EYS: variants seen among roughly 807,000 people sequenced by gnomAD.
The protein encoded by EYS is protein eyes shut homolog.
EYS carries 250 observed loss-of-function variants against 282.1 expected under a neutral mutation model. The observed-to-expected ratio is 0.89, with a 90% CI of 0.80 to 0.98. The LOEUF is 0.98. Ranked by LOEUF, EYS falls within the 50% of genes least tolerant of loss-of-function variation. The probability of loss-of-function intolerance (pLI) is 0.00; values close to 1 mark genes in which losing one functional copy is unlikely to be tolerated. For missense variants in EYS, 4,016 were observed against 3,709.0 expected, an observed-to-expected ratio of 1.08 and a Z score of -2.15; for synonymous variants, 1,355 against 1,282.9, an observed-to-expected ratio of 1.06 and a Z score of -1.20.
At chr6:65,571,984 A>G (rs12190494) in intron 2 of EYS, among the ~76,000 whole-genome samples, 26,370 of 151,998 alleles carry the variant, frequency 0.17, 2,855 homozygotes, top group Middle Eastern at 0.34. Flanking sequence ...GCCCAAAGTT[A>G]CAAACATTAA....
At chr6:63,931,272 C>G in intron 35 of EYS, among the ~76,000 whole-genome samples, 1 of 152,084 alleles carries the variant, frequency 6.6e-6, no homozygotes, top group Non-Finnish European at 1.5e-5. Flanking sequence ...AGAGCAGACT[C>G]TTAGGATGTC....
chr6:64,131,977 A>G (rs1290240869), intron 31 of EYS, among the ~76,000 whole-genome samples: 3 of 152,150 alleles, frequency 2.0e-5, no homozygotes, highest in Admixed American at 2.0e-4. Context: ...TTTCTTTACA[A>G]TTTACCAAAC....
chr6:65,113,528 A>G (rs1775280784), intron 12 of EYS, among the ~76,000 whole-genome samples: 1 of 152,046 alleles, frequency 6.6e-6, no homozygotes. Context: ...ATTATAAGCC[A>G]TGGTGCTTCA....
intron 12 of EYS, among the ~76,000 whole-genome samples, chr6:65,209,426 T>TC (rs1766117949): frequency 6.6e-6 from 1 of 151,788 alleles, no homozygotes; most frequent in South Asian, 2.1e-4. Flanking sequence ...ACCATTTTTA[T>TC]CCCCCACTTA....
rs201928163 is a variant in EYS, at chr6:64,044,817, T to G, written c.6725+21521A>C. ...CTGTTTTGTTGATTTAGCTTCCAGA[T>G]GAGCACAAAAATAAAAGGCAGAAGT... On this transcript the variant is annotated intron_variant, in intron 33 of 42. Coordinates refer to ENST00000503581, the MANE Select transcript of EYS (RefSeq NM_001142800.2). Among the ~76,000 whole-genome samples, 21 of 152,110 alleles carry G rather than the reference T, an allele frequency of 1.4e-4. No homozygotes were observed. In the East Asian group the frequency reaches 2.7e-3, roughly 20 times the overall value.
chr6:64,557,061 CT>C (rs2149809259), intron 26 of EYS, among the ~76,000 whole-genome samples: 1 of 151,776 alleles, frequency 6.6e-6, no homozygotes, highest in Non-Finnish European at 1.5e-5. Flanking sequence ...ATAACAATAC[CT>C]TTTTAAGTAC....
rs970771671 is a variant in EYS, at chr6:64,590,587, T to C, written c.5280A>G (p.Thr1760=). 8.4e-6 allele frequency: 13 copies of C among 1,551,370 alleles called. No individual in the cohort carries two copies. The highest frequency in any genetic ancestry group is 1.1e-5 in the Non-Finnish European group (13 of 1,146,764). ...LQIYPDVTLK[T]YSEITHANDF... is the part of the protein sequence containing the mutation. The stretch of plus-strand genomic sequence containing the variant: ...CATTTGCATGTGTAATTTCTGAATA[T>C]GTCTTTAAAGTAACATCCGGATAAA... Residue 1760 remains threonine (T), a synonymous_variant, in exon 26 of 43, where the codon ACA becomes ACG. Coordinates refer to ENST00000503581, the MANE Select transcript of EYS (RefSeq NM_001142800.2).
At chr6:65,409,430 T>C (rs1766887681) in intron 5 of EYS, among the ~76,000 whole-genome samples, 1 of 152,188 alleles carries the variant, frequency 6.6e-6, no homozygotes, top group Non-Finnish European at 1.5e-5. Flanking sequence ...CATTAAAACG[T>C]AACTGCAGTA....
chr6:63,953,030 C>T (rs993110684), intron 35 of EYS, among the ~76,000 whole-genome samples: 2 of 152,194 alleles, frequency 1.3e-5, no homozygotes, highest in African/African-American at 4.8e-5. Flanking sequence ...GCCTTATCAA[C>T]CAAATTGTTT....
At chr6:65,287,585 G>T (rs942380927) in intron 12 of EYS, among the ~76,000 whole-genome samples, 3 of 151,098 alleles carry the variant, frequency 2.0e-5, no homozygotes, top group South Asian at 2.1e-4. Flanking sequence ...TATAGCTTTT[G>T]CATTTTAATG....
At chr6:64,586,166 CT>C (rs1292013306) in intron 26 of EYS, among the ~76,000 whole-genome samples, 1 of 152,000 alleles carries the variant, frequency 6.6e-6, no homozygotes, top group Non-Finnish European at 1.5e-5. Context: ...TAATTAGTGT[CT>C]GATAACAGTG....
rs540758278 is a variant in EYS at position 64,042,882 on chromosome 6, A to G, written c.6725+23456T>C. Among the ~76,000 whole-genome samples, 4 of 152,162 alleles carry G rather than the reference A, an allele frequency of 2.6e-5. No individual in the cohort carries two copies. The South Asian group carries it at 8.3e-4, about 32-fold the overall frequency. ...TAAGGACTTCCACTCCACTTTCCTC[A>G]TGTCATAAACTTTTCTAAAACTGCT... On this transcript the variant is annotated intron_variant, in intron 33 of 42. Transcript: ENST00000503581.
chr6:64,365,562 C>T lies in EYS; in HGVS notation c.6078+23128G>A, dbSNP rs994691281. ...ACCAGCAGTCTTTGACATCTCTGCACTGAGAGTGTGCCACTCCAAATAAAG... is the reference window on the plus strand; with the variant it reads ...ACCAGCAGTCTTTGACATCTCTGCATTGAGAGTGTGCCACTCCAAATAAAG... On this transcript the variant is annotated intron_variant, in intron 29 of 42. Coordinates refer to ENST00000503581, the MANE Select transcript of EYS (RefSeq NM_001142800.2). Among the ~76,000 whole-genome samples the T allele has an allele frequency of 3.3e-5, 5 of 152,000 alleles. No individual in the cohort carries two copies. The East Asian group carries it at 7.8e-4, about 24-fold the overall frequency.
intron 31 of EYS, among the ~76,000 whole-genome samples, chr6:64,129,859 C>G (rs565948093): frequency 6.6e-6 from 1 of 152,204 alleles, no homozygotes; most frequent in East Asian, 1.9e-4. Context: ...GGCTAGCCAG[C>G]TTTCCCAGCA....
intron 11 of EYS, among the ~76,000 whole-genome samples, chr6:65,325,297 A>G (rs1302426875): frequency 6.6e-6 from 1 of 152,124 alleles, no homozygotes; most frequent in Non-Finnish European, 1.5e-5. Context: ...GTGAGGATAG[A>G]GACAGCAAAT....
chr6:64,029,468 C>A (rs1769709366), intron 33 of EYS, among the ~76,000 whole-genome samples: 1 of 152,184 alleles, frequency 6.6e-6, no homozygotes, highest in African/African-American at 2.4e-5. Flanking sequence ...CGGACAACCG[C>A]CTACTTAGAT....
In EYS at chr6:64,521,180, T is replaced by C. The variant is rs114090832; in HGVS notation, c.5644+69043A>G. Among the ~76,000 whole-genome samples the C allele has an allele frequency of 8.0e-3, 1,216 of 151,936 alleles. 12 individuals carry two copies. The highest frequency in any genetic ancestry group is 0.028 in the African/African-American group (1,162 of 41,502). ...CTAAGTTGCTATGGTTGGCCTAGAC[T>C]TTGTTACTTGTTACAAGAATACACT... On this transcript the variant is annotated intron_variant, in intron 26 of 42. Transcript: ENST00000503581.
At chr6:64,853,342 A>G (rs999498086) in intron 19 of EYS, among the ~76,000 whole-genome samples, 25 of 152,116 alleles carry the variant, frequency 1.6e-4, no homozygotes, top group Admixed American at 1.4e-3. Flanking sequence ...AGTATGTTAA[A>G]CAAAAGGGAA....
chr6:63,967,832 A>C (rs1000402995), intron 35 of EYS, among the ~76,000 whole-genome samples: 7 of 152,200 alleles, frequency 4.6e-5, no homozygotes, highest in Non-Finnish European at 7.4e-5. Flanking sequence ...GCATTCCCAT[A>C]CATGCAGTTC....
Sources: allele counts gnomAD v4.1 joint callset (sites outside exome capture counted in the v4.1 genomes callset), GRCh38; gene constraint gnomAD v4.1.1; transcripts MANE v1.5; gene names NCBI Gene and HGNC (gene_info 2026-07-23, HGNC 2026-07-21).